The following PLXNA4 variants were observed in gnomAD, a reference collection of about 807,000 sequenced individuals.
The protein encoded by PLXNA4 is plexin A4.
PLXNA4 carries 44 observed loss-of-function variants against 191.8 expected under a neutral mutation model. The ratio of observed to expected loss-of-function variants is 0.23; its 90% CI spans 0.18 to 0.29. PLXNA4 has a LOEUF of 0.29. PLXNA4 is among the 10% of genes least tolerant of loss of function. PLXNA4 has a pLI of 1.00. For missense variants in PLXNA4, 1,800 were observed against 2,488.8 expected (o/e 0.72, Z 5.89); for synonymous variants, 1,082 against 1,009.5 (o/e 1.07, Z -1.36).
At chr7:132,409,266 T>A (rs1009791326) in intron 3 of PLXNA4, among the ~76,000 whole-genome samples, 1 of 152,112 alleles carries the variant, frequency 6.6e-6, no homozygotes, top group Admixed American at 6.5e-5. Context: ...GGAGCTGACC[T>A]TCCAGGGTAC....
At chr7:132,252,191 GA>G (rs745863870) in intron 4 of PLXNA4, among the ~76,000 whole-genome samples, 15 of 151,898 alleles carry the variant, frequency 9.9e-5, no homozygotes, top group Non-Finnish European at 1.9e-4. Context: ...GGTCATCCTG[GA>G]CACAGGCAAA....
intron 9 of PLXNA4, among the ~76,000 whole-genome samples, chr7:132,214,545 C>T (rs958674430): frequency 7.2e-5 from 11 of 152,230 alleles, no homozygotes; most frequent in African/African-American, 2.6e-4. Context: ...TTCCACCACC[C>T]TGCCCCTTCC....
rs142233522 is a variant in PLXNA4, at chr7:132,144,070, G to A, written c.5225+1049C>T. 1.4e-4 allele frequency among the ~76,000 whole-genome samples: 22 copies of A among 152,320 alleles called. No individual in the cohort carries two copies. In the East Asian group the frequency reaches 4.2e-3, roughly 29 times the overall value. On this transcript the variant is annotated intron_variant, in intron 29 of 31. Transcript: ENST00000321063. ...GGGGCCCAGGGCTAGGTGCCAGGGT[G>A]CTTCGCTGAGCCCTAATGCTTTGCC...
intron 2 of PLXNA4, among the ~76,000 whole-genome samples, chr7:132,597,840 G>GCT (rs768906299): frequency 0.019 from 2,724 of 140,278 alleles, 75 homozygotes; most frequent in African/African-American, 0.064. Flanking sequence ...TCCATGTTGC[G>GCT]CTCTCTCTCT....
At chr7:132,476,664 G>A (rs1226372039) in intron 3 of PLXNA4, among the ~76,000 whole-genome samples, 2 of 152,172 alleles carry the variant, frequency 1.3e-5, no homozygotes, top group Non-Finnish European at 2.9e-5. Flanking sequence ...TGGAACCCAT[G>A]GTTGGCAAGG....
chr7:132,225,902 C>T (rs765854073), intron 8 of PLXNA4, among the ~76,000 whole-genome samples: 45 of 152,186 alleles, frequency 3.0e-4, no homozygotes, highest in Non-Finnish European at 5.1e-4. Flanking sequence ...GTGGAGAGCC[C>T]CACTCCATAA....
chr7:132,445,762 T>G (rs1012221003), intron 3 of PLXNA4, among the ~76,000 whole-genome samples: 12 of 152,104 alleles, frequency 7.9e-5, no homozygotes, highest in Non-Finnish European at 8.8e-5. Context: ...ACCCTGTGGA[T>G]GGAAGGCAGG....
chr7:132,223,866 G>A (rs567174967), intron 8 of PLXNA4, among the ~76,000 whole-genome samples: 20 of 152,114 alleles, frequency 1.3e-4, no homozygotes, highest in Middle Eastern at 3.4e-3. Flanking sequence ...TGACAACCCC[G>A]TTCCCCCAAG....
intron 1 of PLXNA4, among the ~76,000 whole-genome samples, chr7:132,539,005 C>A (rs1007161036): frequency 6.6e-6 from 1 of 152,202 alleles, no homozygotes; most frequent in Non-Finnish European, 1.5e-5. Flanking sequence ...TAACTCACAT[C>A]TTCTATGACT....
At chr7:132,299,836 C>T (rs1324423324) in intron 3 of PLXNA4, among the ~76,000 whole-genome samples, 1 of 152,180 alleles carries the variant, frequency 6.6e-6, no homozygotes, top group Non-Finnish European at 1.5e-5. Context: ...CAACGTGAAT[C>T]AGAGCAAAGC....
intron 3 of PLXNA4, among the ~76,000 whole-genome samples, chr7:132,375,673 AAGGAC>A (rs1403271546): frequency 6.6e-6 from 1 of 152,140 alleles, no homozygotes. Context: ...GGAGGACAGG[AAGGAC>A]AGATCAAAAA....
chr7:132,631,046 G>A (rs531774501), intron 2 of PLXNA4, among the ~76,000 whole-genome samples: 14 of 152,150 alleles, frequency 9.2e-5, no homozygotes, highest in Admixed American at 6.5e-4. Context: ...ATGTGTATTC[G>A]TAAGTGTCTG....
At position 132,226,286 on chromosome 7, in the gene PLXNA4, C is replaced by G. The variant is rs200196569; in HGVS notation, c.1883-26G>C. 9.4e-6 allele frequency: 15 copies of G among 1,590,586 alleles called. No homozygotes were observed. The African/African-American group carries it at 1.9e-4, about 20-fold the overall frequency. The stretch of plus-strand genomic sequence containing the variant: ...CTACAAGGAGAGATGGCTGAGGGGT[C>G]AGGGAATGCTGAGGCCCCAAGCCAG... On this transcript the variant is annotated intron_variant, in intron 7 of 31. Transcript: ENST00000321063.
At chr7:132,297,065 T>C (rs1801113306) in intron 4 of PLXNA4, among the ~76,000 whole-genome samples, 1 of 152,070 alleles carries the variant, frequency 6.6e-6, no homozygotes, top group African/African-American at 2.4e-5. Context: ...GGTGGCATAA[T>C]GTGGAATTCA....
intron 1 of PLXNA4, among the ~76,000 whole-genome samples, chr7:132,529,116 T>C (rs1009987977): frequency 6.6e-6 from 1 of 152,242 alleles, no homozygotes; most frequent in Non-Finnish European, 1.5e-5. Context: ...TGTTCATCTC[T>C]GGGTACACAC....
chr7:132,514,328 G>A (rs1798855989), intron 1 of PLXNA4, among the ~76,000 whole-genome samples: 1 of 152,126 alleles, frequency 6.6e-6, no homozygotes, highest in Non-Finnish European at 1.5e-5. Context: ...TGGGATTACA[G>A]GCATGAGCCA....
intron 4 of PLXNA4, among the ~76,000 whole-genome samples, chr7:132,260,142 G>A (rs1452925488): frequency 1.3e-5 from 2 of 152,096 alleles, no homozygotes; most frequent in African/African-American, 4.8e-5. Flanking sequence ...ATTCAACCTA[G>A]CAATCCCATT....
intron 1 of PLXNA4, among the ~76,000 whole-genome samples, chr7:132,531,642 A>G (rs987997370): frequency 6.6e-6 from 1 of 152,198 alleles, no homozygotes; most frequent in Non-Finnish European, 1.5e-5. Flanking sequence ...AAGTTTTAGA[A>G]CCGCTGTAAT....
At chr7:132,345,314 C>T (rs531702749) in intron 3 of PLXNA4, among the ~76,000 whole-genome samples, 4 of 152,178 alleles carry the variant, frequency 2.6e-5, no homozygotes, top group Non-Finnish European at 5.9e-5. Context: ...GTTATTAACT[C>T]CAAGAAATCA....
Sources: gnomAD v4.1 joint callset for allele counts (sites outside exome capture counted in the v4.1 genomes callset) on GRCh38, gnomAD v4.1.1 for gene constraint, MANE v1.5 for transcripts, NCBI Gene and HGNC (gene_info 2026-07-23, HGNC 2026-07-21) for gene names.